CDH4: variants seen among roughly 807,000 people sequenced by gnomAD.
The protein encoded by CDH4 is cadherin 4, also known as cadherin-4.
CDH4 carries 33 observed loss-of-function variants against 86.0 expected under a neutral mutation model. The observed-to-expected ratio is 0.38, with a 90% confidence interval of 0.29 to 0.51. The LOEUF (loss-of-function observed/expected upper bound fraction) is 0.51. CDH4 is among the 20% of genes least tolerant of loss of function. The pLI is 0.86. For missense variants in CDH4, 1,114 were observed against 1,307.4 expected (o/e 0.85, Z 2.28); for synonymous variants, 555 against 549.4 (o/e 1.01, Z -0.14).
chr20:61,466,816 A>C (rs927119304), intron 2 of CDH4, among the ~76,000 whole-genome samples: 24 of 149,606 alleles, frequency 1.6e-4, no homozygotes, highest in Non-Finnish European at 2.5e-4. Context: ...GCACCACTGC[A>C]CTCCAGCCTG....
rs2084992275 is a variant in CDH4 at position 61,392,496 on chromosome 20, G to A, written c.169+137559G>A. Among the ~76,000 whole-genome samples the A allele has an allele frequency of 6.6e-6, 1 of 152,136 alleles. No homozygotes were observed. The highest frequency in any genetic ancestry group is 2.4e-5 in the African/African-American group (1 of 41,422). The stretch of plus-strand genomic sequence containing the variant: ...AACAGAAATGATATAGTCCATTGAA[G>A]TAGGGCTGGATTTATCTTATGACAG... On this transcript the variant is annotated intron_variant, in intron 2 of 15. Coordinates refer to ENST00000614565, the MANE Select transcript of CDH4 (RefSeq NM_001794.5). The surrounding 1 kb of genome is among the most constrained non-coding windows in gnomAD (Gnocchi z 5.7).
chr20:61,308,519 A>G (rs557107344), intron 2 of CDH4, among the ~76,000 whole-genome samples: 2 of 152,338 alleles, frequency 1.3e-5, no homozygotes, highest in South Asian at 2.1e-4. Context: ...CAAAAGTCAG[A>G]CAATGCCAGC....
chr20:61,471,487 A>C (rs962584063), intron 2 of CDH4, among the ~76,000 whole-genome samples: 2 of 124,634 alleles, frequency 1.6e-5, no homozygotes, highest in African/African-American at 5.4e-5. Flanking sequence ...CATTTCATTG[A>C]TTTTTTTTGT....
Position 61,879,979 on chromosome 20 carries a change from T to C in CDH4, c.1050+6079T>C, listed in dbSNP as rs928901955. On this transcript the variant is annotated intron_variant, in intron 7 of 15. Transcript: ENST00000614565. This position sits in a 1 kb window ranked among gnomAD's most constrained non-coding sequence, Gnocchi z 4.1. ...TCGTGATCTCCTGGTCTGAAAGGAT[T>C]CTGGGGAAAGCAAAACCCACACCTC... 4.6e-5 allele frequency among the ~76,000 whole-genome samples: 7 copies of C among 152,100 alleles called. No homozygotes were observed. Among genetic ancestry groups the C allele is most frequent in the Non-Finnish European group, 4.4e-5 (3 of 68,012 alleles).
At chr20:61,689,586 C>T (rs1457032669) in intron 2 of CDH4, among the ~76,000 whole-genome samples, 2 of 109,414 alleles carry the variant, frequency 1.8e-5, no homozygotes, top group South Asian at 3.9e-4. Flanking sequence ...TGGATTCCGG[C>T]GGGGACAGTG....
chr20:61,289,731 A>G (rs1169467837), intron 2 of CDH4, among the ~76,000 whole-genome samples: 1 of 135,876 alleles, frequency 7.4e-6, no homozygotes, highest in African/African-American at 2.8e-5. Context: ...CCCCGTATCC[A>G]ACGAGACTTG....
chr20:61,592,503 TATG>T (rs2086525627), intron 2 of CDH4, among the ~76,000 whole-genome samples: 2 of 152,204 alleles, frequency 1.3e-5, no homozygotes, highest in Non-Finnish European at 2.9e-5. Flanking sequence ...AAGTACAATT[TATG>T]ATGATTAGTA....
chr20:61,704,776 C>A (rs2087812140), intron 2 of CDH4, among the ~76,000 whole-genome samples: 1 of 152,156 alleles, frequency 6.6e-6, no homozygotes, highest in Non-Finnish European at 1.5e-5. Context: ...TGGGGTGGCG[C>A]CGCTCTGGGC....
intron 2 of CDH4, among the ~76,000 whole-genome samples, chr20:61,575,869 A>G (rs2253219): frequency 0.74 from 112,646 of 152,118 alleles, 41,869 homozygotes; most frequent in East Asian, 0.8. Flanking sequence ...GAGCCACCCA[A>G]GTCTCAGGAA....
intron 4 of CDH4, among the ~76,000 whole-genome samples, chr20:61,802,624 T>C (rs1192024714): frequency 6.6e-6 from 1 of 152,194 alleles, no homozygotes; most frequent in Non-Finnish European, 1.5e-5. Context: ...CGCTTGCTGC[T>C]TCAAGCAAAT....
At chr20:61,689,785 G>A (rs1227702807) in intron 2 of CDH4, among the ~76,000 whole-genome samples, 2 of 144,744 alleles carry the variant, frequency 1.4e-5, no homozygotes, top group Non-Finnish European at 3.0e-5. Flanking sequence ...TGTTTGGTGA[G>A]GTGATGTGGA....
chr20:61,528,468 G>GGGAGGGGAGTGGAGGGGGAGA (rs2085928833), intron 2 of CDH4, among the ~76,000 whole-genome samples: 2 of 100,546 alleles, frequency 2.0e-5, no homozygotes, highest in African/African-American at 7.4e-5. Flanking sequence ...GGAGAGGGAG[G>GGGAGGGGAGTGGAGGGGGAGA]GGGAGGGGGA....
intron 4 of CDH4, among the ~76,000 whole-genome samples, chr20:61,831,110 G>A (rs951251975): frequency 2.0e-5 from 3 of 152,160 alleles, no homozygotes; most frequent in Admixed American, 6.5e-5. Context: ...GCTTGAAATC[G>A]ATCTTCTCAG....
chr20:61,661,497 C>T (rs1428697965), intron 2 of CDH4, among the ~76,000 whole-genome samples: 1 of 126,838 alleles, frequency 7.9e-6, no homozygotes, highest in East Asian at 2.3e-4. Flanking sequence ...TTTTTTAACA[C>T]TCATACATGT....
At position 61,313,056 on chromosome 20, in the gene CDH4, C is replaced by G. The variant is rs1470590479; in HGVS notation, c.169+58119C>G. Among the ~76,000 whole-genome samples, 3 of 152,336 alleles carry G rather than the reference C, an allele frequency of 2.0e-5. No individual in the cohort carries two copies. The East Asian group carries it at 5.8e-4, about 29-fold the overall frequency. On this transcript the variant is annotated intron_variant, in intron 2 of 15. Coordinates refer to ENST00000614565, the MANE Select transcript of CDH4 (RefSeq NM_001794.5). The stretch of plus-strand genomic sequence containing the variant: ...CCCCAGGGTGGCCCCCAGTGCCTTC[C>G]AAAGACCGATTCTAATACTGCAGGG...
At chr20:61,423,782 T>C (rs1296283813) in intron 2 of CDH4, among the ~76,000 whole-genome samples, 2 of 152,304 alleles carry the variant, frequency 1.3e-5, no homozygotes, top group Admixed American at 1.3e-4. Flanking sequence ...TCTCTCAGCA[T>C]CCGAGCAAGC....
chr20:61,291,681 G>C (rs2084321715), intron 2 of CDH4, among the ~76,000 whole-genome samples: 1 of 18,502 alleles, frequency 5.4e-5, no homozygotes, highest in African/African-American at 8.7e-5. Flanking sequence ...GGTTACCGGG[G>C]GTTTCCAGTC....
chr20:61,424,166 A>G (rs12481158), intron 2 of CDH4, among the ~76,000 whole-genome samples: 26,273 of 151,268 alleles, frequency 0.17, 2,659 homozygotes, highest in Non-Finnish European at 0.22. Flanking sequence ...ATATCCACAC[A>G]TATGTATCCA....
chr20:61,427,361 T>C (rs941193981), intron 2 of CDH4, among the ~76,000 whole-genome samples: 4 of 152,196 alleles, frequency 2.6e-5, no homozygotes, highest in African/African-American at 9.6e-5. Flanking sequence ...GCACAGGCAC[T>C]GCCAAAGGCC....
Sources: gnomAD v4.1 joint callset for allele counts (sites outside exome capture counted in the v4.1 genomes callset) on GRCh38, gnomAD v4.1.1 for gene constraint, Gnocchi (gnomAD v3.1) non-coding constraint, MANE v1.5 for transcripts, NCBI Gene and HGNC (gene_info 2026-07-23, HGNC 2026-07-21) for gene names.